Variants in PRDM13 observed in about 807,000 individuals in gnomAD.
PRDM13 encodes the protein PR domain zinc finger protein 13.
A neutral mutation model predicts 36.4 loss-of-function variants in PRDM13; 15 were observed. The observed-to-expected ratio is 0.41, with a 90% confidence interval of 0.28 to 0.64. PRDM13 has a LOEUF of 0.64. Among genes scored for constraint, PRDM13 ranks in the 30% least tolerant of loss-of-function variants. The pLI is 0.29. For missense variants in PRDM13, 1,044 were observed against 1,013.5 expected, an observed-to-expected ratio of 1.03 and a Z score of -0.41; for synonymous variants, 531 against 467.7, an observed-to-expected ratio of 1.14 and a Z score of -1.75.
At chr6:99,608,957 A>T in intron 2 of PRDM13, 85 bp downstream of exon 2, 1 of 1,513,218 alleles carries the variant, frequency 6.6e-7, no homozygotes, top group Non-Finnish European at 8.9e-7. Context: ...CAAAAATATT[A>T]AGAGCAAAGT....
intron 3 of PRDM13, among the ~76,000 whole-genome samples, chr6:99,609,615 G>A (rs1770003280): frequency 6.6e-6 from 1 of 152,164 alleles, no homozygotes; most frequent in Non-Finnish European, 1.5e-5. Context: ...ATTAGGCGCG[G>A]TAGCTCACAC....
chr6:99,608,890 C>T lies in PRDM13; in HGVS notation c.276+18C>T, dbSNP rs371984445. 14 of 1,601,594 alleles carry T rather than the reference C, an allele frequency of 8.7e-6. No homozygotes were observed. Among genetic ancestry groups the T allele is most frequent in the African/African-American group, 2.7e-5 (2 of 74,580 alleles). Reference sequence around the variant, plus strand: ...GAGGACAGGTACTGCGGGCTTCTCTCCACACCCCCCCACTCCCCACCGCCA... The same window carrying T: ...GAGGACAGGTACTGCGGGCTTCTCTTCACACCCCCCCACTCCCCACCGCCA... On this transcript the variant is annotated intron_variant, in intron 2 of 3. Transcript: ENST00000369215.
intron 3 of PRDM13, 47 bp from the exon 4 acceptor site, chr6:99,612,986 G>T (rs1370060567): frequency 1.2e-6 from 2 of 1,604,268 alleles, no homozygotes; most frequent in Non-Finnish European, 1.7e-6. Flanking sequence ...TTTATGTCTC[G>T]CTTGTTCGCC....
chr6:99,613,352 G>C lies in PRDM13; in HGVS notation c.717G>C (p.Ser239=). ...REASSAPSAT[S]PTPGKWGQPK... ...CCTCTTCCGCGCCCTCGGCCACCTC[G>C]CCGACCCCAGGCAAGTGGGGGCAGC... The change falls in exon 4 of 4, where the codon TCG becomes TCC. Residue 239 remains serine, a synonymous_variant. Transcript: ENST00000369215. This position sits in a 1 kb window ranked among gnomAD's most constrained non-coding sequence, Gnocchi z 6.1. The C allele has an allele frequency of 1.3e-6, 2 of 1,547,986 alleles. No homozygotes were observed. The highest frequency in any genetic ancestry group is 1.7e-6 in the Non-Finnish European group (2 of 1,152,706).
intron 1 of PRDM13, among the ~76,000 whole-genome samples, chr6:99,608,039 T>C (rs1177832192): frequency 3.3e-5 from 5 of 152,220 alleles, no homozygotes; most frequent in Admixed American, 6.5e-5. Flanking sequence ...TTGGCTTCCT[T>C]GGCTTTAGCT....
chr6:99,612,640 T>C (rs1770048066), intron 3 of PRDM13, among the ~76,000 whole-genome samples: 1 of 152,222 alleles, frequency 6.6e-6, no homozygotes, highest in South Asian at 2.1e-4. Context: ...ACGCCACCTA[T>C]TCTGCAAACG....
chr6:99,614,066 C>G lies in PRDM13; in HGVS notation c.1431C>G (p.Thr477=). The G allele has an allele frequency of 1.2e-6, 2 of 1,603,566 alleles. No individual in the cohort carries two copies. Among genetic ancestry groups the G allele is most frequent in the African/African-American group, 1.3e-5 (1 of 74,624 alleles). Residue 477 remains threonine, a synonymous_variant, in exon 4 of 4, where the codon ACC becomes ACG. Transcript: ENST00000369215. The stretch of plus-strand genomic sequence containing the variant: ...TGCTCTACGGCTCACCGGCCACCAC[C>G]GCTTATTACCCGCTCAAATTGCACT... ...GELLYGSPAT[T]AYYPLKLHFG...
In PRDM13 at chr6:99,614,890, A is replaced by G. The variant is rs3734346; in HGVS notation, c.*131A>G. The G allele has an allele frequency of 0.07, 85,439 of 1,217,294 alleles. 3,323 individuals carry two copies. The highest frequency in any genetic ancestry group is 0.078 in the Non-Finnish European group (70,074 of 898,312). 75.4% of individuals were successfully genotyped at this position (1,217,294 alleles called of 1,614,324 possible). On this transcript the variant is annotated 3_prime_UTR_variant, in exon 4 of 4. Coordinates refer to ENST00000369215, the MANE Select transcript of PRDM13 (RefSeq NM_021620.4). ...CCGTTTTTGTTTTTGAGAGGGCGCC[A>G]GATTTGAAACAGTGAGAGGTCCCAC...
chr6:99,614,018 C>T lies in PRDM13; in HGVS notation c.1383C>T (p.Ala461=). 1 of 1,610,546 alleles carries T rather than the reference C, an allele frequency of 6.2e-7. No homozygotes were observed. The highest frequency in any genetic ancestry group is 8.5e-7 in the Non-Finnish European group (1 of 1,179,168). ...ECSHLPAVMP[A]FTVYNGELLY... ...GCCACCTGCCCGCCGTCATGCCGGC[C>T]TTTACAGTCTACAACGGGGAGCTGC... The change falls in exon 4 of 4, where the codon GCC becomes GCT. Residue 461 remains alanine (A), a synonymous_variant. Transcript: ENST00000369215.
At chr6:99,608,697 C>A in intron 1 of PRDM13, 44 bp from the exon 2 acceptor site, 1 of 1,558,406 alleles carries the variant, frequency 6.4e-7, no homozygotes, top group South Asian at 1.2e-5. Flanking sequence ...GGGTTGTGGG[C>A]CTGGCCAAGG....
At position 99,615,000 on chromosome 6, in the gene PRDM13, C is replaced by T. The variant is rs769852088; in HGVS notation, c.*241C>T. 3.6e-5 allele frequency: 21 copies of T among 581,752 alleles called. No individual in the cohort carries two copies. The highest frequency in any genetic ancestry group is 6.2e-5 in the Non-Finnish European group (21 of 341,288). The allele number at this position is 581,752 out of a possible 1,614,324, so 36.0% of individuals were successfully genotyped here. A position where few individuals can be genotyped will look rare whatever the true frequency, so the allele number is the denominator to read the frequency against. On this transcript the variant is annotated 3_prime_UTR_variant, in exon 4 of 4. Coordinates refer to ENST00000369215, the MANE Select transcript of PRDM13 (RefSeq NM_021620.4). ...AGCTCGAGTGCCACCAGTACCTCCG[C>T]ACCCCGGGCCTCTGGACTTCTTGGA...
chr6:99,614,760 C>A lies in PRDM13; in HGVS notation c.*1C>A, dbSNP rs999074005. On this transcript the variant is annotated 3_prime_UTR_variant, in exon 4 of 4. Transcript: ENST00000369215. ...GGGCGGCGGGGAGCGCGACTTGTAA[C>A]GAGTCTTCCCGGGAAGGGGCGGGGT... 2.6e-6 allele frequency: 4 copies of A among 1,561,096 alleles called. No homozygotes were observed. In the African/African-American group the frequency reaches 4.1e-5, roughly 16 times the overall value.
Position 99,614,661 on chromosome 6 carries a change from C to T in PRDM13, c.2026C>T (p.Pro676Ser). Reference sequence around the variant, plus strand: ...TGCCGAGCCCGGCTATCCCCCGGAGCCTGGGGATCCCAAGAGCGACGACAG... The same window carrying T: ...TGCCGAGCCCGGCTATCCCCCGGAGTCTGGGGATCCCAAGAGCGACGACAG... ...PGAEPGYPPE[P>S]GDPKSDDSDV... The change falls in exon 4 of 4, where the codon CCT (proline) becomes TCT (serine). Residue 676 changes from proline to serine, a missense_variant. Coordinates refer to ENST00000369215, the MANE Select transcript of PRDM13 (RefSeq NM_021620.4). The T allele has an allele frequency of 2.5e-6, 4 of 1,612,160 alleles. No individual in the cohort carries two copies. Among genetic ancestry groups the T allele is most frequent in the Non-Finnish European group, 3.4e-6 (4 of 1,179,678 alleles).
intron 3 of PRDM13, among the ~76,000 whole-genome samples, chr6:99,609,901 AAT>A (rs924383764): frequency 2.1e-4 from 28 of 136,058 alleles, no homozygotes; most frequent in African/African-American, 6.6e-4. Flanking sequence ...AATAAATAAA[AAT>A]AAAAAATAAA....
chr6:99,607,214 G>A, intron 1 of PRDM13, 36 bp downstream of exon 1: 1 of 1,606,646 alleles, frequency 6.2e-7, no homozygotes, highest in East Asian at 2.2e-5. Flanking sequence ...ACTGCCATTC[G>A]CCTCTCAGTG....
chr6:99,609,458 T>A, intron 3 of PRDM13, 151 bp downstream of exon 3: 1 of 1,113,564 alleles, frequency 9.0e-7, no homozygotes, highest in Non-Finnish European at 1.3e-6. Flanking sequence ...ACTACCTCCT[T>A]AAAATCAACC....
In PRDM13 at chr6:99,613,441, G is replaced by A. The variant is rs375877644; in HGVS notation, c.806G>A (p.Gly269Glu). ...LDMSGAARGQ[G>E]HFLGIVGGSS... is the part of the protein sequence containing the mutation. ...ATGAGCGGAGCCGCCCGAGGACAAGGGCACTTCCTCGGCATCGTGGGCGGC... is the reference window on the plus strand; with the variant it reads ...ATGAGCGGAGCCGCCCGAGGACAAGAGCACTTCCTCGGCATCGTGGGCGGC... The change falls in exon 4 of 4, where the codon GGG becomes GAG. Residue 269 changes from glycine (G) to glutamate (E), a missense_variant. Physicochemically the swap from Gly to Glu is moderately conservative, Grantham distance 98 (BLOSUM62 -2). Transcript: ENST00000369215. The surrounding 1 kb of genome is among the most constrained non-coding windows in gnomAD (Gnocchi z 6.1). The A allele has an allele frequency of 1.2e-5, 18 of 1,546,730 alleles. No homozygotes were observed. Among genetic ancestry groups the A allele is most frequent in the South Asian group, 1.1e-4 (9 of 84,556 alleles).
In PRDM13 at chr6:99,614,646, G is replaced by A. The variant is rs768473774; in HGVS notation, c.2011G>A (p.Gly671Ser). 1.9e-5 allele frequency: 30 copies of A among 1,612,268 alleles called. No individual in the cohort carries two copies. In the Admixed American group the frequency reaches 2.0e-4, roughly 11 times the overall value. Residue 671 changes from glycine (G) to serine (S), a missense_variant, in exon 4 of 4, where the codon GGC (glycine) becomes AGC (serine). Coordinates refer to ENST00000369215, the MANE Select transcript of PRDM13 (RefSeq NM_021620.4). ...GGGCGACGGCCCGGGTGCCGAGCCC[G>A]GCTATCCCCCGGAGCCTGGGGATCC... ...KAGDGPGAEP[G>S]YPPEPGDPKS...
chr6:99,610,264 A>T (rs1167852854), intron 3 of PRDM13, among the ~76,000 whole-genome samples: 1 of 152,178 alleles, frequency 6.6e-6, no homozygotes, highest in Non-Finnish European at 1.5e-5. Flanking sequence ...TTTTAAACCT[A>T]CCCTTGAACA....
Sources: gnomAD v4.1 joint callset for allele counts (sites outside exome capture counted in the v4.1 genomes callset) on GRCh38, gnomAD v4.1.1 for gene constraint, Gnocchi (gnomAD v3.1) non-coding constraint, MANE v1.5 for transcripts, NCBI Gene and HGNC (gene_info 2026-07-23, HGNC 2026-07-21) for gene names.